SLC44A5: variants seen among roughly 807,000 people sequenced by gnomAD.
SLC44A5 encodes choline transporter-like protein 5.
In SLC44A5, 57 loss-of-function variants were observed where a neutral mutation model predicts 101.8. The ratio of observed to expected loss-of-function variants is 0.56; its 90% CI spans 0.45 to 0.70. SLC44A5 has a LOEUF of 0.70. Ranked by LOEUF, SLC44A5 falls within the 30% of genes least tolerant of loss-of-function variation. SLC44A5 has a pLI of 0.00. For synonymous variants in SLC44A5, 281 were observed against 290.9 expected (o/e 0.97, Z 0.35); for missense variants, 737 against 853.1 (o/e 0.86, Z 1.70).
chr1:75,531,827 T>C (rs760030685), intron 2 of SLC44A5, among the ~76,000 whole-genome samples: 4 of 152,202 alleles, frequency 2.6e-5, no homozygotes, highest in African/African-American at 4.8e-5. Flanking sequence ...TAAACCTTTA[T>C]TGTGTGGTAA....
intron 2 of SLC44A5, among the ~76,000 whole-genome samples, chr1:75,456,578 A>G (rs1191643774): frequency 6.6e-6 from 1 of 152,176 alleles, no homozygotes; most frequent in Non-Finnish European, 1.5e-5. Context: ...CATTTGGCTG[A>G]TAGTCTTAAT....
chr1:75,475,276 C>A (rs1352854793), intron 2 of SLC44A5, among the ~76,000 whole-genome samples: 1 of 152,130 alleles, frequency 6.6e-6, no homozygotes, highest in East Asian at 1.9e-4. Flanking sequence ...AGACAAATAA[C>A]AATCATGATA....
chr1:75,590,392 C>T (rs1674279641), intron 1 of SLC44A5, among the ~76,000 whole-genome samples: 1 of 152,080 alleles, frequency 6.6e-6, no homozygotes, highest in African/African-American at 2.4e-5. Context: ...CCTAAATAAC[C>T]AGTAGCAATA....
chr1:75,510,939 G>T (rs1669534207), intron 2 of SLC44A5, among the ~76,000 whole-genome samples: 1 of 152,242 alleles, frequency 6.6e-6, no homozygotes, highest in East Asian at 1.9e-4. Context: ...TTAGGAGATC[G>T]AGACCATCCT....
At chr1:75,707,362 T>C in the SLC44A5 span, among the ~76,000 whole-genome samples, 5 of 152,304 alleles carry the variant, frequency 3.3e-5, no homozygotes, top group Non-Finnish European at 7.4e-5. Flanking sequence ...ACACAACCTG[T>C]AGGTAATTCA....
intron 2 of SLC44A5, among the ~76,000 whole-genome samples, chr1:75,429,991 C>T (rs1417677149): frequency 6.6e-6 from 1 of 152,150 alleles, no homozygotes; most frequent in Non-Finnish European, 1.5e-5. Context: ...CTTGCTGTCT[C>T]ACAGAGCTTT....
At chr1:75,562,971 T>A (rs544682063) in intron 1 of SLC44A5, among the ~76,000 whole-genome samples, 1 of 152,206 alleles carries the variant, frequency 6.6e-6, no homozygotes, top group African/African-American at 2.4e-5. Context: ...AGTTTTGGTC[T>A]GCTTGAGGTT....
the SLC44A5 span, among the ~76,000 whole-genome samples, chr1:75,678,464 G>A: frequency 4.7e-4 from 72 of 151,880 alleles, no homozygotes; most frequent in Non-Finnish European, 9.4e-4. Flanking sequence ...CCTGACACCC[G>A]AGCAGCCTAA....
chr1:75,300,014 CAA>C (rs35608663), intron 5 of SLC44A5, among the ~76,000 whole-genome samples: 8,281 of 92,360 alleles, frequency 0.09, 131 homozygotes, highest in Non-Finnish European at 0.12. Context: ...GACTCTGTCT[CAA>C]AAAAAAAAAA....
At position 75,267,094 on chromosome 1, in the gene SLC44A5, T is replaced by C. The variant is rs563134731; in HGVS notation, c.260+7864A>G. ...CTTGAAGAAGAAATCTGTGCCTTAT[T>C]TGCTCTAGTATATTGCATAGTGACT... On this transcript the variant is annotated intron_variant, in intron 6 of 23. Transcript: ENST00000370859. Among the ~76,000 whole-genome samples the C allele has an allele frequency of 3.9e-5, 6 of 152,334 alleles. No individual in the cohort carries two copies. In the South Asian group the frequency reaches 1.2e-3, roughly 32 times the overall value.
chr1:75,648,246 T>C, the SLC44A5 span, among the ~76,000 whole-genome samples: 1 of 152,274 alleles, frequency 6.6e-6, no homozygotes, highest in East Asian at 1.9e-4. Context: ...AAGAAGGACA[T>C]GTTTGTTTCC....
intron 6 of SLC44A5, among the ~76,000 whole-genome samples, chr1:75,261,607 C>T (rs566197476): frequency 6.6e-6 from 1 of 152,210 alleles, no homozygotes; most frequent in African/African-American, 2.4e-5. Context: ...AGAACTGGTA[C>T]CACTCCTTCT....
the SLC44A5 span, among the ~76,000 whole-genome samples, chr1:75,686,640 A>G: frequency 2.6e-5 from 4 of 152,358 alleles, no homozygotes; most frequent in African/African-American, 9.6e-5. Context: ...GTGAGAAGTA[A>G]TTCAAGAATT....
the SLC44A5 span, among the ~76,000 whole-genome samples, chr1:75,625,898 T>A: frequency 1.3e-5 from 2 of 152,228 alleles, no homozygotes; most frequent in African/African-American, 4.8e-5. Context: ...ACCAGGTGGG[T>A]CTGGGTGCAG....
chr1:75,656,564 T>C, the SLC44A5 span, among the ~76,000 whole-genome samples: 2 of 151,746 alleles, frequency 1.3e-5, no homozygotes, highest in African/African-American at 4.8e-5. Context: ...TGCTTAATTG[T>C]TTATTTTATT....
At chr1:75,218,029 A>G in intron 17 of SLC44A5, 69 bp from the exon 18 acceptor site, 3 of 1,050,926 alleles carry the variant, frequency 2.9e-6, no homozygotes, top group Non-Finnish European at 4.3e-6. Flanking sequence ...TAATTGAATA[A>G]TTTTCACAAG....
At position 75,483,637 on chromosome 1, in the gene SLC44A5, T is replaced by A. The variant is rs1444162667; in HGVS notation, c.13+57798A>T. 2.6e-5 allele frequency among the ~76,000 whole-genome samples: 4 copies of A among 152,314 alleles called. No individual in the cohort carries two copies. In the South Asian group the frequency reaches 8.3e-4, roughly 32 times the overall value. On this transcript the variant is annotated intron_variant, in intron 2 of 23. Transcript: ENST00000370859. ...TTGTTTACAATTTGTTAATTTCAAC[T>A]ACATTTCAAAAAATGTTAATTATGT...
intron 1 of SLC44A5, among the ~76,000 whole-genome samples, chr1:75,555,790 T>C (rs936305816): frequency 6.6e-6 from 1 of 152,238 alleles, no homozygotes; most frequent in South Asian, 2.1e-4. Context: ...AGACAGATAC[T>C]TCATGTAATA....
intron 6 of SLC44A5, among the ~76,000 whole-genome samples, chr1:75,267,740 T>A (rs1260574523): frequency 6.6e-6 from 1 of 151,962 alleles, no homozygotes; most frequent in Non-Finnish European, 1.5e-5. Context: ...TTATTTTTAT[T>A]TTTATTTTTT....
Sources: allele counts gnomAD v4.1 joint callset (sites outside exome capture counted in the v4.1 genomes callset), GRCh38; gene constraint gnomAD v4.1.1; transcripts MANE v1.5; gene names NCBI Gene and HGNC (gene_info 2026-07-23, HGNC 2026-07-21).